The following GPHN variants were observed in gnomAD, a reference collection of about 807,000 sequenced individuals.
The protein encoded by GPHN is gephyrin.
GPHN carries 17 observed loss-of-function variants against 95.5 expected under a neutral mutation model. The observed-to-expected ratio is 0.18, with a 90% CI of 0.12 to 0.27. The LOEUF (loss-of-function observed/expected upper bound fraction) is 0.27. Among genes scored for constraint, GPHN ranks in the 10% least tolerant of loss-of-function variants. The pLI is 1.00. For synonymous variants in GPHN, 320 were observed against 322.5 expected (o/e 0.99, Z 0.08); for missense variants, 660 against 978.1 (o/e 0.67, Z 4.34).
chr14:66,794,222 C>A (rs1260507580), intron 3 of GPHN, among the ~76,000 whole-genome samples: 1 of 152,120 alleles, frequency 6.6e-6, no homozygotes, highest in Non-Finnish European at 1.5e-5. Context: ...TTAGTACCAT[C>A]CCCTTGGTGC....
intron 5 of GPHN, among the ~76,000 whole-genome samples, chr14:66,888,932 T>TATA (rs1567063607): frequency 6.6e-6 from 1 of 152,152 alleles, no homozygotes; most frequent in Non-Finnish European, 1.5e-5. Flanking sequence ...CCATGGTGGC[T>TATA]ATAATAATAT....
intron 14 of GPHN, among the ~76,000 whole-genome samples, chr14:67,110,812 CTGTGCCACCAAATGA>C (rs1034045175): frequency 2.6e-4 from 40 of 152,286 alleles, no homozygotes; most frequent in African/African-American, 7.9e-4. Flanking sequence ...CTGGAAAAAG[CTGTGCCACCAAATGA>C]CAGCCTGGAA....
At chr14:66,611,349 A>G (rs932355107) in intron 1 of GPHN, among the ~76,000 whole-genome samples, 2 of 152,136 alleles carry the variant, frequency 1.3e-5, no homozygotes, top group African/African-American at 4.8e-5. Context: ...GAACAAAGAA[A>G]TTTATTAGAT....
chr14:66,922,773 C>T lies in GPHN; in HGVS notation c.564C>T (p.Ser188=). The change falls in exon 7 of 23, where the codon TCC becomes TCT. Residue 188 remains serine, a synonymous_variant. Coordinates refer to ENST00000478722, the MANE Select transcript of GPHN (RefSeq NM_020806.5). ...ATGATGAACTTGAAGATTTGCCTTC[C>T]CCACCTCCCCCTCTTTCCCCTCCTC... ...EVHDELEDLP[S]PPPPLSPPPT... 1 of 1,613,570 alleles carries T rather than the reference C, an allele frequency of 6.2e-7. No homozygotes were observed. Among genetic ancestry groups the T allele is most frequent in the East Asian group, 2.2e-5 (1 of 44,870 alleles).
chr14:67,493,048 GAGA>G, the GPHN span, among the ~76,000 whole-genome samples: 1 of 152,182 alleles, frequency 6.6e-6, no homozygotes, highest in African/African-American at 2.4e-5. Flanking sequence ...TTAGAAAGAT[GAGA>G]AGAAGCCGTG....
At chr14:67,143,314 A>G in intron 17 of GPHN, 48 bp from the exon 18 acceptor site, 1 of 1,224,462 alleles carries the variant, frequency 8.2e-7, no homozygotes, top group East Asian at 2.3e-5. Flanking sequence ...CACTATATCT[A>G]AAATCTTTTC....
chr14:66,797,554 T>C (rs2060203287), intron 3 of GPHN, among the ~76,000 whole-genome samples: 1 of 151,954 alleles, frequency 6.6e-6, no homozygotes, highest in African/African-American at 2.4e-5. Context: ...TGCTCTTTGG[T>C]TAAATTAATT....
At chr14:67,461,894 T>C in the GPHN span, among the ~76,000 whole-genome samples, 1 of 152,344 alleles carries the variant, frequency 6.6e-6, no homozygotes. Context: ...AGGCTTTCCC[T>C]TGGAGTTTGA....
intron 1 of GPHN, among the ~76,000 whole-genome samples, chr14:66,534,092 C>T (rs1038349036): frequency 3.3e-5 from 5 of 152,150 alleles, no homozygotes; most frequent in Non-Finnish European, 7.4e-5. Flanking sequence ...TCCAAGTATA[C>T]ATCCATATGA....
At chr14:66,856,584 A>G (rs929733094) in intron 4 of GPHN, among the ~76,000 whole-genome samples, 2 of 152,106 alleles carry the variant, frequency 1.3e-5, no homozygotes, top group African/African-American at 4.8e-5. Context: ...AATTGTATCT[A>G]AACACAGGAT....
the GPHN span, chr14:67,203,006 C>A: frequency 7.4e-7 from 1 of 1,354,630 alleles, no homozygotes; most frequent in Non-Finnish European, 1.0e-6. Flanking sequence ...CCTTTATTTC[C>A]TACCCTCTCT....
chr14:67,210,936 G>T, the GPHN span, among the ~76,000 whole-genome samples: 1 of 152,114 alleles, frequency 6.6e-6, no homozygotes, highest in Non-Finnish European at 1.5e-5. Flanking sequence ...GGAGGTGGAG[G>T]TTGCAGTGAG....
At chr14:67,198,050 T>G in the GPHN span, 3 of 1,310,136 alleles carry the variant, frequency 2.3e-6, no homozygotes, top group Non-Finnish European at 3.1e-6. Flanking sequence ...ATTGATAAAA[T>G]TTGCTGAATT....
At chr14:67,537,192 A>G in the GPHN span, among the ~76,000 whole-genome samples, 1 of 139,670 alleles carries the variant, frequency 7.2e-6, no homozygotes, top group African/African-American at 2.8e-5. Flanking sequence ...AAAAAATACA[A>G]AAATTAGCCA....
chr14:67,158,867 T>C (rs1439143435), intron 18 of GPHN, among the ~76,000 whole-genome samples: 1 of 152,204 alleles, frequency 6.6e-6, no homozygotes, highest in East Asian at 1.9e-4. Flanking sequence ...AGTTGAGCTA[T>C]TTAGATTTGA....
the GPHN span, among the ~76,000 whole-genome samples, chr14:67,416,239 C>A: frequency 6.6e-6 from 1 of 152,190 alleles, no homozygotes; most frequent in Non-Finnish European, 1.5e-5. Context: ...TTTCTCAGAA[C>A]CAGCAGGGAC....
At chr14:66,701,372 G>A (rs1382236262) in intron 2 of GPHN, among the ~76,000 whole-genome samples, 3 of 152,048 alleles carry the variant, frequency 2.0e-5, no homozygotes, top group East Asian at 1.9e-4. Flanking sequence ...ATTTGGGTGC[G>A]GCCATGATGG....
the GPHN span, among the ~76,000 whole-genome samples, chr14:67,369,339 G>A: frequency 6.6e-6 from 1 of 152,212 alleles, no homozygotes; most frequent in Admixed American, 6.5e-5. Context: ...CACTGTGTAT[G>A]TGCCTAATAA....
the GPHN span, chr14:67,350,815 A>C: frequency 1.6e-5 from 14 of 884,822 alleles, no homozygotes; most frequent in Non-Finnish European, 2.4e-5. Context: ...TATTGGTTTG[A>C]TAACGACAAA....
Sources: gnomAD v4.1 joint callset for allele counts (sites outside exome capture counted in the v4.1 genomes callset) on GRCh38, gnomAD v4.1.1 for gene constraint, MANE v1.5 for transcripts, NCBI Gene and HGNC (gene_info 2026-07-23, HGNC 2026-07-21) for gene names.